BTG3: variants seen among roughly 807,000 people sequenced by gnomAD.
BTG3 encodes the protein protein BTG3.
Under a neutral mutation model 25.8 loss-of-function variants are expected in BTG3, and 4 were observed. The observed-to-expected ratio is 0.16, with a 90% confidence interval of 0.08 to 0.36. BTG3 has a LOEUF of 0.36. Among genes scored for constraint, BTG3 ranks in the 10% least tolerant of loss-of-function variants. The pLI is 1.00. For synonymous variants in BTG3, 107 were observed against 99.9 expected (o/e 1.07, Z -0.42); for missense variants, 201 against 304.9 (o/e 0.66, Z 2.54).
At chr21:17,611,568 G>GA (rs1282563026) in intron 1 of BTG3, 4 of 152,232 alleles carry the variant, frequency 2.6e-5, no homozygotes, top group African/African-American at 9.7e-5. Flanking sequence ...GTGAAAGAGG[G>GA]AGAGTTACAG....
At chr21:17,599,343 G>A (rs1222339440) in intron 3 of BTG3, among the ~76,000 whole-genome samples, 3 of 151,994 alleles carry the variant, frequency 2.0e-5, no homozygotes, top group Non-Finnish European at 1.5e-5. Context: ...ACCATGCTCA[G>A]CTAATTTATA....
At chr21:17,605,130 T>C in intron 2 of BTG3, 133 bp from the exon 3 acceptor site, 1 of 1,021,044 alleles carries the variant, frequency 9.8e-7, no homozygotes, top group South Asian at 1.7e-5. Context: ...CCTAGGAGCA[T>C]ATCTATCCTA....
chr21:17,604,091 A>T, intron 3 of BTG3: 1 of 1,248,994 alleles, frequency 8.0e-7, no homozygotes, highest in Non-Finnish European at 1.0e-6. Flanking sequence ...AGGAGATGTG[A>T]AAAATAACTT....
chr21:17,599,112 A>C (rs1366324240), intron 3 of BTG3: 1 of 305,128 alleles, frequency 3.3e-6, no homozygotes, highest in Non-Finnish European at 6.0e-6. Context: ...CATCAAAAAA[A>C]GTCCATTGTT....
intron 3 of BTG3, among the ~76,000 whole-genome samples, chr21:17,601,183 T>C (rs1005161852): frequency 1.4e-4 from 21 of 151,100 alleles, no homozygotes; most frequent in African/African-American, 4.9e-4. Context: ...AAAAAGTTGC[T>C]ACGGGATGGT....
chr21:17,604,271 T>TC (rs1377713386), intron 3 of BTG3: 14 of 304,710 alleles, frequency 4.6e-5, no homozygotes, highest in Non-Finnish European at 7.0e-5. Context: ...TGAAACCCCA[T>TC]CTCTACTACA....
intron 4 of BTG3, among the ~76,000 whole-genome samples, chr21:17,595,415 CTTT>C (rs1490157505): frequency 1.3e-5 from 2 of 151,830 alleles, no homozygotes; most frequent in African/African-American, 4.8e-5. Flanking sequence ...CCTTTATCTT[CTTT>C]ATCTTAACCC....
chr21:17,600,955 C>A (rs528803112), intron 3 of BTG3, among the ~76,000 whole-genome samples: 24 of 148,798 alleles, frequency 1.6e-4, no homozygotes, highest in Non-Finnish European at 3.1e-4. Flanking sequence ...TGAGGTCAGG[C>A]GTTCGAGGCC....
chr21:17,601,043 A>G (rs200395230), intron 3 of BTG3, among the ~76,000 whole-genome samples: 1 of 152,084 alleles, frequency 6.6e-6, no homozygotes, highest in Non-Finnish European at 1.5e-5. Flanking sequence ...TGCGCCTGTA[A>G]TCCCAGCTAC....
chr21:17,607,735 A>G (rs1189292469), intron 2 of BTG3, among the ~76,000 whole-genome samples: 2 of 152,226 alleles, frequency 1.3e-5, no homozygotes, highest in African/African-American at 4.8e-5. Flanking sequence ...ATACACAAAT[A>G]AAAGAGTATT....
At chr21:17,606,171 C>T (rs1032565575) in intron 2 of BTG3, among the ~76,000 whole-genome samples, 2 of 152,110 alleles carry the variant, frequency 1.3e-5, no homozygotes, top group African/African-American at 4.8e-5. Flanking sequence ...TGTATTAACT[C>T]TTAATTCTCA....
At chr21:17,608,098 G>A (rs187565145) in intron 2 of BTG3, among the ~76,000 whole-genome samples, 1 of 152,298 alleles carries the variant, frequency 6.6e-6, no homozygotes, top group East Asian at 1.9e-4. Context: ...CAGGCATGGT[G>A]GCTCACGCCT....
chr21:17,606,897 C>T (rs573401606), intron 2 of BTG3, among the ~76,000 whole-genome samples: 5 of 152,036 alleles, frequency 3.3e-5, no homozygotes, highest in Non-Finnish European at 7.4e-5. Context: ...ACTTACTGTT[C>T]AAAAGGTATG....
chr21:17,606,622 T>C (rs1296321334), intron 2 of BTG3, among the ~76,000 whole-genome samples: 2 of 152,134 alleles, frequency 1.3e-5, no homozygotes, highest in African/African-American at 4.8e-5. Context: ...TATATAAATA[T>C]AGATGCTTAA....
At chr21:17,612,026 G>A (rs1442849404) in intron 1 of BTG3, 2 of 152,396 alleles carry the variant, frequency 1.3e-5, no homozygotes, top group East Asian at 1.9e-4. Flanking sequence ...GGGGCTAAGA[G>A]TTGGACTTTC....
intron 3 of BTG3, chr21:17,604,286 T>TA (rs950218186): frequency 3.3e-4 from 83 of 253,196 alleles, no homozygotes; most frequent in South Asian, 1.1e-3. Context: ...ACTACAAATA[T>TA]AAAAAAAAAT....
chr21:17,601,432 G>A (rs1350289443), intron 3 of BTG3, among the ~76,000 whole-genome samples: 1 of 152,110 alleles, frequency 6.6e-6, no homozygotes. Flanking sequence ...GTCAAGGCAG[G>A]AAGATTGCTT....
intron 2 of BTG3, among the ~76,000 whole-genome samples, chr21:17,607,972 C>T (rs1198055482): frequency 6.6e-6 from 1 of 152,160 alleles, no homozygotes; most frequent in South Asian, 2.1e-4. Context: ...AAAGACAGCT[C>T]CAAGTGAGAA....
rs143211878 is a variant in BTG3, at chr21:17,611,483, C to T, written c.-9+1216G>A. On this transcript the variant is annotated intron_variant, in intron 1 of 4. Transcript: ENST00000348354. ...ATGACTCATTTGGACTTTTGTTTTC[C>T]CCGTTTGAAGAAATGATAGCTCGAA... is the stretch of plus-strand genomic sequence containing the variant. Among the ~76,000 whole-genome samples the T allele has an allele frequency of 1.8e-3, 268 of 152,146 alleles. 4 individuals are homozygous for T. The highest frequency in any genetic ancestry group is 2.3e-3 in the Non-Finnish European group (157 of 68,012).
Sources: gnomAD v4.1 joint callset for allele counts (sites outside exome capture counted in the v4.1 genomes callset) on GRCh38, gnomAD v4.1.1 for gene constraint, MANE v1.5 for transcripts, NCBI Gene and HGNC (gene_info 2026-07-23, HGNC 2026-07-21) for gene names.